CDC20B: variants seen among roughly 807,000 people sequenced by gnomAD.
CDC20B encodes the protein cell division cycle protein 20 homolog B.
In CDC20B, 58 loss-of-function variants were observed where a neutral mutation model predicts 64.1. The ratio of observed to expected loss-of-function variants is 0.90; its 90% CI spans 0.73 to 1.13. The LOEUF is 1.13. CDC20B is among the 50% of genes most tolerant of loss of function. CDC20B has a pLI of 0.00. For synonymous variants in CDC20B, 243 were observed against 230.6 expected, an observed-to-expected ratio of 1.05 and a Z score of -0.49; for missense variants, 597 against 633.0, an observed-to-expected ratio of 0.94 and a Z score of 0.61.
intron 8 of CDC20B, among the ~76,000 whole-genome samples, chr5:55,126,151 A>G (rs769885792): frequency 5.9e-5 from 9 of 152,194 alleles, no homozygotes; most frequent in Non-Finnish European, 1.3e-4. Context: ...GACCGGCCAA[A>G]AACACAAGAT....
At position 55,124,869 on chromosome 5, in the gene CDC20B, G is replaced by A; in HGVS notation, c.1149C>T (p.Pro383=). 1 of 1,614,138 alleles carries A rather than the reference G, an allele frequency of 6.2e-7. No homozygotes were observed. The highest frequency in any genetic ancestry group is 1.1e-5 in the South Asian group (1 of 91,076). ...CCTGTGCACTGGCACCTGGATCGTGGGGCCATATTGTCAGCAGTCCATCAC... is the reference window on the plus strand; with the variant it reads ...CCTGTGCACTGGCACCTGGATCGTGAGGCCATATTGTCAGCAGTCCATCAC... ...GCSDGLLTIW[P]HDPGASAQGQ... The change falls in exon 9 of 12, where the codon CCC becomes CCT. Residue 383 remains proline (P), a synonymous_variant. Coordinates refer to ENST00000381375, the MANE Select transcript of CDC20B (RefSeq NM_001170402.1).
intron 4 of CDC20B, among the ~76,000 whole-genome samples, chr5:55,140,892 C>T (rs981798141): frequency 1.3e-5 from 2 of 152,142 alleles, no homozygotes; most frequent in Admixed American, 6.6e-5. Flanking sequence ...CTCTTACATC[C>T]AACTTCAATC....
At chr5:55,170,532 T>C (rs1211139403) in intron 2 of CDC20B, 1 of 534,708 alleles carries the variant, frequency 1.9e-6, no homozygotes, top group Non-Finnish European at 3.8e-6. Context: ...TGATGTTCAT[T>C]GTATATGCAA....
At chr5:55,144,052 T>C (rs77408136) in intron 3 of CDC20B, among the ~76,000 whole-genome samples, 158 of 150,938 alleles carry the variant, frequency 1.0e-3, no homozygotes, top group African/African-American at 3.3e-3. Context: ...AACAGTTCCA[T>C]AGTTTTAAAT....
chr5:55,144,065 T>C (rs898959809), intron 3 of CDC20B, among the ~76,000 whole-genome samples: 14 of 151,722 alleles, frequency 9.2e-5, no homozygotes, highest in Admixed American at 8.5e-4. Flanking sequence ...TTTTAAATGA[T>C]AGTGGAAAGA....
intron 2 of CDC20B, chr5:55,170,716 A>G (rs10061133): frequency 0.1 from 53,849 of 534,034 alleles, 3,328 homozygotes; most frequent in East Asian, 0.26. Flanking sequence ...GCCAGCTAAC[A>G]ATACACTGCC....
intron 5 of CDC20B, chr5:55,137,691 G>C (rs929481652): frequency 6.6e-6 from 3 of 456,592 alleles, no homozygotes; most frequent in African/African-American, 4.0e-5. Flanking sequence ...GAATGGCCAT[G>C]TAAGTTTATT....
chr5:55,152,497 T>C (rs1743694598), intron 2 of CDC20B, among the ~76,000 whole-genome samples: 1 of 152,210 alleles, frequency 6.6e-6, no homozygotes, highest in African/African-American at 2.4e-5. Context: ...AATACAGAGT[T>C]GGAAGACAAA....
chr5:55,124,616 C>G (rs1329170046), intron 9 of CDC20B, among the ~76,000 whole-genome samples, 187 bp downstream of exon 9: 1 of 152,142 alleles, frequency 6.6e-6, no homozygotes, highest in Non-Finnish European at 1.5e-5. Context: ...TCACCTACAA[C>G]TAAAAAATCT....
intron 2 of CDC20B, among the ~76,000 whole-genome samples, chr5:55,162,405 A>G (rs1744126696): frequency 6.6e-6 from 1 of 152,206 alleles, no homozygotes; most frequent in Non-Finnish European, 1.5e-5. Context: ...AAATAAATAA[A>G]TAAAGGACAT....
Position 55,114,065 on chromosome 5 carries a change from C to T in CDC20B, c.*153G>A, listed in dbSNP as rs1742567951. The T allele has an allele frequency of 7.6e-7, 1 of 1,324,086 alleles. No homozygotes were observed. The allele number at this position is 1,324,086 out of a possible 1,614,324, so 82.0% of individuals were successfully genotyped here. Reference sequence around the variant, plus strand: ...TCTCTGGGAAGCAGAGCAAGTAAAGCAATCTGCAAAAGAAGAACAGGAGAA... The same window carrying T: ...TCTCTGGGAAGCAGAGCAAGTAAAGTAATCTGCAAAAGAAGAACAGGAGAA... On this transcript the variant is annotated 3_prime_UTR_variant, in exon 12 of 12. Transcript: ENST00000381375. The surrounding 1 kb of genome is among the most constrained non-coding windows in gnomAD (Gnocchi z 4.1).
rs141820709 is a variant in CDC20B, at chr5:55,156,283, G to T, written c.127-9427C>A. 4.0e-3 allele frequency among the ~76,000 whole-genome samples: 614 copies of T among 152,236 alleles called. 4 individuals are homozygous for T. Among genetic ancestry groups the T allele is most frequent in the African/African-American group, 0.014 (585 of 41,540 alleles). ...ATATGTGGGGATTATTACAATTCAA[G>T]GTGAGATTTGGGTGGGGACACAGCC... On this transcript the variant is annotated intron_variant, in intron 2 of 11. Coordinates refer to ENST00000381375, the MANE Select transcript of CDC20B (RefSeq NM_001170402.1).
At chr5:55,115,470 G>A (rs1580333503) in intron 11 of CDC20B, among the ~76,000 whole-genome samples, 1 of 152,306 alleles carries the variant, frequency 6.6e-6, no homozygotes, top group East Asian at 1.9e-4. Context: ...CATCTCAAGG[G>A]CTAGTGCTCC....
At chr5:55,137,499 A>T in intron 5 of CDC20B, 1 of 455,420 alleles carries the variant, frequency 2.2e-6, no homozygotes, top group Non-Finnish European at 4.4e-6. Context: ...CTTATGTGGG[A>T]TCTGTTTCAT....
intron 2 of CDC20B, among the ~76,000 whole-genome samples, chr5:55,153,610 G>A (rs7710215): frequency 0.1 from 6,094 of 60,666 alleles, 409 homozygotes; most frequent in African/African-American, 0.26. Context: ...TCCCCCCGGG[G>A]TGGACTGAAG....
At chr5:55,153,384 AT>A (rs769513691) in intron 2 of CDC20B, among the ~76,000 whole-genome samples, 7 of 152,352 alleles carry the variant, frequency 4.6e-5, no homozygotes, top group Middle Eastern at 3.4e-3. Flanking sequence ...GTAGGGCCAA[AT>A]AAATAAAACC....
chr5:55,124,960 C>G lies in CDC20B; in HGVS notation c.1058G>C (p.Arg353Pro), dbSNP rs140191094. Residue 353 changes from arginine (R) to proline (P), a missense_variant, in exon 9 of 12, where the codon CGC becomes CCC. By Grantham distance (103) the Arg-to-Pro change is moderately radical. Around this residue, in one of 3 missense-constraint regions of CDC20B, gnomAD observed 353 missense variants for 397.0 expected, o/e 0.89. Transcript: ENST00000381375. The part of the protein sequence containing the change: ...RVAQHHVGTL[R>P]HKQAVCALKW... ...CAGAGCACACACAGCTTGCTTGTGG[C>G]GAAGTGTTCCAACATGATGCTGGGC... 2.9e-5 allele frequency: 47 copies of G among 1,614,112 alleles called. No homozygotes were observed. Among genetic ancestry groups the G allele is most frequent in the Non-Finnish European group, 3.9e-5 (46 of 1,180,006 alleles).
Position 55,124,951 on chromosome 5 carries a change from T to A in CDC20B, c.1067A>T (p.Gln356Leu). The change falls in exon 9 of 12, where the codon CAA becomes CTA. Residue 356 changes from glutamine to leucine, a missense_variant. Gln to Leu is a moderately radical substitution (Grantham distance 113). Coordinates refer to ENST00000381375, the MANE Select transcript of CDC20B (RefSeq NM_001170402.1). ...TGACCACTTCAGAGCACACACAGCTTGCTTGTGGCGAAGTGTTCCAACATG... is the reference window on the plus strand; with the variant it reads ...TGACCACTTCAGAGCACACACAGCTAGCTTGTGGCGAAGTGTTCCAACATG... ...QHHVGTLRHK[Q>L]AVCALKWSPD... is the part of the protein sequence containing the mutation. The A allele has an allele frequency of 6.2e-7, 1 of 1,614,190 alleles. No homozygotes were observed. Among genetic ancestry groups the A allele is most frequent in the African/African-American group, 1.3e-5 (1 of 75,046 alleles).
intron 2 of CDC20B, 39 bp from the exon 3 acceptor site, chr5:55,146,895 C>A (rs1403781326): frequency 6.0e-6 from 9 of 1,498,352 alleles, no homozygotes; most frequent in Non-Finnish European, 8.3e-6. Flanking sequence ...CCACTGGCCT[C>A]AGTGATGCAA....
Sources: allele counts gnomAD v4.1 joint callset (sites outside exome capture counted in the v4.1 genomes callset), GRCh38; gene constraint gnomAD v4.1.1; regional missense constraint gnomAD v4.1.1; non-coding constraint Gnocchi (gnomAD v3.1); transcripts MANE v1.5; gene names NCBI Gene and HGNC (gene_info 2026-07-23, HGNC 2026-07-21).